Variants in KRABD1 observed in about 807,000 individuals in gnomAD.
The protein encoded by KRABD1 is KRAB domain containing 1.
the KRABD1 span, among the ~76,000 whole-genome samples, chr3:42,940,719 T>C: frequency 2.6e-5 from 4 of 152,298 alleles, no homozygotes; most frequent in East Asian, 7.7e-4. Flanking sequence ...TGGGAGTTCA[T>C]TGACTGATCA....
the KRABD1 span, chr3:42,941,131 T>C: frequency 8.2e-7 from 1 of 1,218,750 alleles, no homozygotes; most frequent in Non-Finnish European, 1.1e-6. Flanking sequence ...ACTGAATACG[T>C]ATCATTTGTA....
the KRABD1 span, chr3:42,941,237 T>C: frequency 1.3e-6 from 2 of 1,562,398 alleles, no homozygotes; most frequent in East Asian, 4.6e-5. Flanking sequence ...AATCAGTGGC[T>C]TTTGAGGACG....
the KRABD1 span, among the ~76,000 whole-genome samples, chr3:42,941,504 C>G: frequency 1.5e-4 from 23 of 152,056 alleles, no homozygotes; most frequent in Non-Finnish European, 2.8e-4. Flanking sequence ...CCTTCTTTTT[C>G]TAGCGTAAAA....
At chr3:42,941,164 T>C in the KRABD1 span, 7 of 1,500,194 alleles carry the variant, frequency 4.7e-6, no homozygotes, top group South Asian at 1.3e-5. Flanking sequence ...AGGTCTCTCA[T>C]TGGCAGATTT....
At chr3:42,938,744 T>C in the KRABD1 span, 2 of 479,372 alleles carry the variant, frequency 4.2e-6, no homozygotes, top group Non-Finnish European at 7.6e-6. Flanking sequence ...CAATAACTAA[T>C]GAACGGTTAT....
At chr3:42,942,629 A>G in the KRABD1 span, 1 of 1,388,272 alleles carries the variant, frequency 7.2e-7, no homozygotes. Flanking sequence ...AATGCTGGGA[A>G]GACAGGAGAA....
the KRABD1 span, chr3:42,938,657 A>C: frequency 1.1e-4 from 43 of 387,714 alleles, no homozygotes; most frequent in Non-Finnish European, 1.9e-4. Context: ...TTCATCACTC[A>C]TTCCGTGGAT....
chr3:42,941,929 T>C, the KRABD1 span: 9 of 1,340,342 alleles, frequency 6.7e-6, no homozygotes, highest in East Asian at 2.5e-5. Context: ...ATGCTCATTA[T>C]TGTGTTATGT....
chr3:42,941,924 C>A, the KRABD1 span: 2 of 1,314,482 alleles, frequency 1.5e-6, no homozygotes, highest in South Asian at 1.3e-5. Flanking sequence ...TGACTATGCT[C>A]ATTATTGTGT....
chr3:42,941,418 A>G, the KRABD1 span: 5 of 1,457,128 alleles, frequency 3.4e-6, no homozygotes, highest in South Asian at 6.8e-5. Flanking sequence ...TATAATTATT[A>G]GCTGACCCCA....
the KRABD1 span, among the ~76,000 whole-genome samples, chr3:42,939,581 G>A: frequency 1.3e-5 from 2 of 152,226 alleles, no homozygotes. Context: ...GTCTCTGTGA[G>A]TAAAATTTTA....
chr3:42,937,716 C>T, the KRABD1 span: 1 of 152,224 alleles, frequency 6.6e-6, no homozygotes, highest in East Asian at 1.9e-4. Context: ...CTGTTAACTT[C>T]CAAGATGCCT....
the KRABD1 span, among the ~76,000 whole-genome samples, chr3:42,941,718 A>C: frequency 6.6e-6 from 1 of 152,046 alleles, no homozygotes; most frequent in Non-Finnish European, 1.5e-5. Context: ...AAAGAAGGTA[A>C]AAAATCTTGT....
At chr3:42,942,590 A>G in the KRABD1 span, 3 of 1,451,828 alleles carry the variant, frequency 2.1e-6, no homozygotes, top group South Asian at 1.4e-5. Flanking sequence ...TGTTACGTAG[A>G]ATAGTATCAA....
At chr3:42,941,923 T>G in the KRABD1 span, 14 of 1,307,920 alleles carry the variant, frequency 1.1e-5, no homozygotes, top group Admixed American at 2.0e-5. Flanking sequence ...ATGACTATGC[T>G]CATTATTGTG....
the KRABD1 span, chr3:42,938,266 AT>A: frequency 6.6e-6 from 1 of 152,354 alleles, no homozygotes; most frequent in Middle Eastern, 3.4e-3. Flanking sequence ...ATAAAACTGA[AT>A]GAGTATCTTG....
the KRABD1 span, chr3:42,936,522 G>C: frequency 6.6e-6 from 1 of 152,260 alleles, no homozygotes. Context: ...GCTGGTACTG[G>C]GGTCCTCATG....
At chr3:42,939,878 T>TC in the KRABD1 span, among the ~76,000 whole-genome samples, 1 of 152,194 alleles carries the variant, frequency 6.6e-6, no homozygotes, top group Non-Finnish European at 1.5e-5. Context: ...TACCTTTTTT[T>TC]CTCCTAAGTT....
chr3:42,937,944 C>T, the KRABD1 span: 1 of 152,192 alleles, frequency 6.6e-6, no homozygotes, highest in African/African-American at 2.4e-5. Flanking sequence ...TGAGTATATG[C>T]ACTTTTATGT....
Sources: gnomAD v4.1 joint callset for allele counts (sites outside exome capture counted in the v4.1 genomes callset) on GRCh38, gnomAD v4.1.1 for gene constraint, MANE v1.5 for transcripts, NCBI Gene and HGNC (gene_info 2026-07-23, HGNC 2026-07-21) for gene names.